The following INSYN2A variants were observed in gnomAD, a reference collection of about 807,000 sequenced individuals.
INSYN2A encodes the protein inhibitory synaptic factor 2A.
A neutral mutation model predicts 39.4 loss-of-function variants in INSYN2A; 17 were observed. The ratio of observed to expected loss-of-function variants is 0.43; its 90% confidence interval spans 0.30 to 0.65. The LOEUF (loss-of-function observed/expected upper bound fraction) is 0.65. INSYN2A is among the 30% of genes least tolerant of loss of function. INSYN2A has a pLI of 0.14. For synonymous variants in INSYN2A, 255 were observed against 265.7 expected (o/e 0.96, Z 0.39); for missense variants, 595 against 631.2 (o/e 0.94, Z 0.61).
At chr10:127,161,520 G>A (rs530745217) in intron 4 of INSYN2A, among the ~76,000 whole-genome samples, 124 of 152,306 alleles carry the variant, frequency 8.1e-4, no homozygotes, top group Admixed American at 2.2e-3. Context: ...AACTGAAGTT[G>A]CAATTTGAAG....
intron 2 of INSYN2A, among the ~76,000 whole-genome samples, chr10:127,191,921 C>T (rs890109984): frequency 2.6e-5 from 4 of 152,190 alleles, no homozygotes; most frequent in Non-Finnish European, 4.4e-5. Flanking sequence ...TTCAGCATTC[C>T]GTAGCCTCCT....
rs553299904 is a variant in INSYN2A at position 127,176,518 on chromosome 10, G to T, written c.-5-118C>A. ...CTGTTTCCTAATTATATTTAAGCAGGTGAGGTCGGCCTTTATGTTAAGGAA... is the reference window on the plus strand; with the variant it reads ...CTGTTTCCTAATTATATTTAAGCAGTTGAGGTCGGCCTTTATGTTAAGGAA... On this transcript the variant is annotated intron_variant, in intron 3 of 5. Coordinates refer to ENST00000522781, the MANE Select transcript of INSYN2A (RefSeq NM_001039762.3). The surrounding 1 kb of genome is among the most constrained non-coding windows in gnomAD (Gnocchi z 4.4). 3 of 830,118 alleles carry T rather than the reference G, an allele frequency of 3.6e-6. No homozygotes were observed. The highest frequency in any genetic ancestry group is 3.4e-5 in the African/African-American group (2 of 58,960). The allele number at this position is 830,118 out of a possible 1,614,324, so 51.4% of individuals were successfully genotyped here.
chr10:127,195,845 C>A (rs2057092600), intron 1 of INSYN2A, among the ~76,000 whole-genome samples, 152 bp downstream of exon 1: 1 of 152,200 alleles, frequency 6.6e-6, no homozygotes, highest in Non-Finnish European at 1.5e-5. Context: ...GGTGTCCCGG[C>A]CCCGGGAGCC....
At chr10:127,182,386 GA>G (rs1288593144) in intron 2 of INSYN2A, among the ~76,000 whole-genome samples, 1 of 152,152 alleles carries the variant, frequency 6.6e-6, no homozygotes, top group Non-Finnish European at 1.5e-5. Flanking sequence ...CGGGGAGTGA[GA>G]ACAAAGGAGG....
chr10:127,148,573 G>T (rs1224809892), intron 5 of INSYN2A, among the ~76,000 whole-genome samples: 1 of 152,140 alleles, frequency 6.6e-6, no homozygotes, highest in African/African-American at 2.4e-5. Flanking sequence ...CTGGTTTGCC[G>T]ATGATGTTTC....
rs2133911019 is a variant in INSYN2A, at chr10:127,176,528, C to T, written c.-5-128G>A. The T allele has an allele frequency of 1.3e-6, 1 of 756,650 alleles. No homozygotes were observed. The highest frequency in any genetic ancestry group is 2.6e-4 in the Middle Eastern group (1 of 3,920). 46.9% of individuals were successfully genotyped at this position (756,650 alleles called of 1,614,324 possible). On this transcript the variant is annotated intron_variant, in intron 3 of 5. Coordinates refer to ENST00000522781, the MANE Select transcript of INSYN2A (RefSeq NM_001039762.3). This position sits in a 1 kb window ranked among gnomAD's most constrained non-coding sequence, Gnocchi z 4.4. ...ATTATATTTAAGCAGGTGAGGTCGG[C>T]CTTTATGTTAAGGAAAATCACACGG... is the stretch of plus-strand genomic sequence containing the variant.
intron 2 of INSYN2A, among the ~76,000 whole-genome samples, chr10:127,181,824 C>A (rs956283804): frequency 1.3e-5 from 2 of 152,154 alleles, no homozygotes; most frequent in African/African-American, 4.8e-5. Context: ...AACTTAGAGA[C>A]CTGTTTCATA....
At position 127,165,507 on chromosome 10, in the gene INSYN2A, C is replaced by T. The variant is rs573213742; in HGVS notation, c.1184+9705G>A. Among the ~76,000 whole-genome samples the T allele has an allele frequency of 5.5e-4, 83 of 152,186 alleles. 1 individual carries two copies. Among genetic ancestry groups the T allele is most frequent in the Admixed American group, 1.6e-3 (24 of 15,292 alleles). On this transcript the variant is annotated intron_variant, in intron 4 of 5. Transcript: ENST00000522781. Reference sequence around the variant, plus strand: ...ACTGCCTTTTTGGTTGAAGGATGCTCGTTGTTAGATCATTTTTTCCCCCAG... The same window carrying T: ...ACTGCCTTTTTGGTTGAAGGATGCTTGTTGTTAGATCATTTTTTCCCCCAG...
chr10:127,171,911 G>GC (rs1021556498), intron 4 of INSYN2A, among the ~76,000 whole-genome samples: 2 of 152,038 alleles, frequency 1.3e-5, no homozygotes, highest in Non-Finnish European at 2.9e-5. Context: ...CACCATGTTG[G>GC]CCAGACTGGT....
chr10:127,145,349 T>C (rs988802113), intron 5 of INSYN2A, among the ~76,000 whole-genome samples: 2 of 152,196 alleles, frequency 1.3e-5, no homozygotes, highest in African/African-American at 2.4e-5. Context: ...CTATGAAGCA[T>C]ATCTTATGCC....
intron 5 of INSYN2A, among the ~76,000 whole-genome samples, chr10:127,141,596 G>A (rs1026448010): frequency 1.1e-4 from 16 of 152,074 alleles, no homozygotes; most frequent in Non-Finnish European, 1.6e-4. Flanking sequence ...CCAGCTACTC[G>A]GGAGGTGGAG....
At chr10:127,177,731 T>C (rs543231971) in intron 2 of INSYN2A, among the ~76,000 whole-genome samples, 12 of 152,320 alleles carry the variant, frequency 7.9e-5, no homozygotes, top group African/African-American at 2.4e-4. Context: ...CATTGGAAAA[T>C]GCCACAAGAA....
chr10:127,175,087 T>TA lies in INSYN2A; in HGVS notation c.1184+124dup. 1 of 837,234 alleles carries TA rather than the reference T, an allele frequency of 1.2e-6. No homozygotes were observed. The highest frequency in any genetic ancestry group is 1.9e-6 in the Non-Finnish European group (1 of 516,146). The allele number at this position is 837,234 out of a possible 1,614,324, so 51.9% of individuals were successfully genotyped here. ...GACCCCTTGGAGCTCGCCACGCCCT[T>TA]AGACTATGACCTGTTTACGGAAATG... On this transcript the variant is annotated intron_variant, in intron 4 of 5. Transcript: ENST00000522781. This position sits in a 1 kb window ranked among gnomAD's most constrained non-coding sequence, Gnocchi z 6.3.
At chr10:127,144,889 CAAACTG>C (rs1436474009) in intron 5 of INSYN2A, among the ~76,000 whole-genome samples, 5 of 152,200 alleles carry the variant, frequency 3.3e-5, no homozygotes, top group Non-Finnish European at 7.3e-5. Flanking sequence ...TAGTAACACT[CAAACTG>C]TAAGATCTGT....
chr10:127,144,157 C>G (rs1405555972), intron 5 of INSYN2A, among the ~76,000 whole-genome samples: 1 of 152,192 alleles, frequency 6.6e-6, no homozygotes. Flanking sequence ...CTCCCTCACT[C>G]TCTGTATTCT....
intron 4 of INSYN2A, among the ~76,000 whole-genome samples, chr10:127,155,333 G>A (rs1246259376): frequency 6.6e-6 from 1 of 152,128 alleles, no homozygotes; most frequent in Non-Finnish European, 1.5e-5. Context: ...AAACTCAGAC[G>A]TGACCTCATG....
chr10:127,154,292 G>T (rs1026368281), intron 4 of INSYN2A, among the ~76,000 whole-genome samples: 1 of 152,150 alleles, frequency 6.6e-6, no homozygotes. Flanking sequence ...GCTTATGTTT[G>T]CTCTACCCCA....
intron 4 of INSYN2A, among the ~76,000 whole-genome samples, chr10:127,171,269 CAG>C (rs1314287729): frequency 6.6e-6 from 1 of 152,224 alleles, no homozygotes; most frequent in Non-Finnish European, 1.5e-5. Context: ...GCCAGTGACA[CAG>C]AAATTCCTGC....
chr10:127,166,887 T>G (rs2054133570), intron 4 of INSYN2A, among the ~76,000 whole-genome samples: 1 of 152,182 alleles, frequency 6.6e-6, no homozygotes, highest in Admixed American at 6.5e-5. Flanking sequence ...GATTGCCTAG[T>G]GGCTCGGTGG....
Sources: gnomAD v4.1 joint callset for allele counts (sites outside exome capture counted in the v4.1 genomes callset) on GRCh38, gnomAD v4.1.1 for gene constraint, Gnocchi (gnomAD v3.1) non-coding constraint, MANE v1.5 for transcripts, NCBI Gene and HGNC (gene_info 2026-07-23, HGNC 2026-07-21) for gene names.